BLM: variants seen among roughly 807,000 people sequenced by gnomAD.
BLM encodes the protein BLM RecQ like helicase.
BLM carries 95 observed loss-of-function variants against 135.3 expected under a neutral mutation model. The observed-to-expected ratio is 0.70, with a 90% CI of 0.59 to 0.83. The LOEUF (loss-of-function observed/expected upper bound fraction) is 0.83, where lower values mean the gene tolerates loss of function less well. Ranked by LOEUF, BLM falls within the 40% of genes least tolerant of loss-of-function variation. The probability of loss-of-function intolerance (pLI) is 0.00; values close to 1 mark genes in which losing one functional copy is unlikely to be tolerated. For synonymous variants in BLM, 520 were observed against 589.2 expected (o/e 0.88, Z 1.70); for missense variants, 1,518 against 1,663.9 (o/e 0.91, Z 1.53).
chr15:90,790,946 ATCGT>A, intron 15 of BLM, 102 bp downstream of exon 15: 1 of 1,225,790 alleles, frequency 8.2e-7, no homozygotes, highest in Middle Eastern at 2.7e-4. Flanking sequence ...TCCTTAAATA[ATCGT>A]AGAAAAATAG....
intron 1 of BLM, among the ~76,000 whole-genome samples, 196 bp downstream of exon 1, chr15:90,717,636 A>AG (rs1412763390): frequency 1.3e-5 from 2 of 152,216 alleles, no homozygotes; most frequent in Non-Finnish European, 2.9e-5. Flanking sequence ...GGGGAAACAG[A>AG]GGCCCGGGGC....
chr15:90,727,574 GGTGCCTAA>G (rs1474531833), intron 1 of BLM, among the ~76,000 whole-genome samples: 1 of 152,040 alleles, frequency 6.6e-6, no homozygotes, highest in Non-Finnish European at 1.5e-5. Flanking sequence ...GTGGGAGGAA[GGTGCCTAA>G]GTGACCAGCC....
rs587783037 is a variant in BLM, at chr15:90,803,577, C to T, written c.3415C>T (p.Arg1139Ter). 43 of 1,613,864 alleles carry T rather than the reference C, an allele frequency of 2.7e-5. No individual in the cohort carries two copies. Among genetic ancestry groups the T allele is most frequent in the Non-Finnish European group, 3.6e-5 (42 of 1,179,814 alleles). The change falls in exon 18 of 22, where the codon CGA becomes TGA. Residue 1139 changes from arginine (R) to a stop codon, truncating the protein, a stop_gained. Coordinates refer to ENST00000355112, the MANE Select transcript of BLM (RefSeq NM_000057.4). LOFTEE classifies it high-confidence loss of function. ...ATTTGGAAAAGGATCTGCTTATTCACGACACAATGCCGAAAGACTTTTTAA... is the reference window on the plus strand; with the variant it reads ...ATTTGGAAAAGGATCTGCTTATTCATGACACAATGCCGAAAGACTTTTTAA... ...GIFGKGSAYS[R>*]HNAERLFKKL...
At chr15:90,806,473 T>A (rs917308606) in intron 19 of BLM, among the ~76,000 whole-genome samples, 1 of 146,606 alleles carries the variant, frequency 6.8e-6, no homozygotes, top group East Asian at 2.0e-4. Flanking sequence ...ATCGTGCCAC[T>A]GCCCTCCAGC....
chr15:90,796,874 C>T (rs1312111007), intron 16 of BLM, among the ~76,000 whole-genome samples: 1 of 152,116 alleles, frequency 6.6e-6, no homozygotes, highest in Non-Finnish European at 1.5e-5. Context: ...GTTAGGAGGA[C>T]ATCTGAGGTT....
intron 12 of BLM, among the ~76,000 whole-genome samples, chr15:90,778,499 T>C (rs1469539020): frequency 6.6e-6 from 1 of 152,234 alleles, no homozygotes; most frequent in Non-Finnish European, 1.5e-5. Flanking sequence ...AAAACACCCA[T>C]GCCCATTGCA....
chr15:90,724,782 C>T (rs1369841129), intron 1 of BLM, among the ~76,000 whole-genome samples: 2 of 152,218 alleles, frequency 1.3e-5, no homozygotes, highest in African/African-American at 4.8e-5. Flanking sequence ...TTCTCACCAA[C>T]CTAGAAGCTC....
chr15:90,725,147 G>T (rs926007507), intron 1 of BLM, among the ~76,000 whole-genome samples: 1 of 152,112 alleles, frequency 6.6e-6, no homozygotes, highest in Non-Finnish European at 1.5e-5. Context: ...GACCTCAGGT[G>T]ATCTGCCCGT....
chr15:90,807,082 T>C (rs531910436), intron 19 of BLM, among the ~76,000 whole-genome samples: 1 of 152,216 alleles, frequency 6.6e-6, no homozygotes, highest in East Asian at 1.9e-4. Flanking sequence ...GAGTCGTCCA[T>C]GTCTTTGTTT....
rs28385083 is a variant in BLM, at chr15:90,792,478, A to G, written c.3019+1634A>G. Among the ~76,000 whole-genome samples, 722 of 152,210 alleles carry G rather than the reference A, an allele frequency of 4.7e-3. 12 individuals carry two copies. Among genetic ancestry groups the G allele is most frequent in the East Asian group, 0.03 (155 of 5,186 alleles). ...TGGCACTTACCAAGCACTGTGCCCA[A>G]CACTGCATATATCACCTCATTACCT... On this transcript the variant is annotated intron_variant, in intron 15 of 21. Coordinates refer to ENST00000355112, the MANE Select transcript of BLM (RefSeq NM_000057.4).
intron 14 of BLM, among the ~76,000 whole-genome samples, chr15:90,786,928 A>G (rs1884873017): frequency 7.1e-6 from 1 of 140,802 alleles, no homozygotes. Context: ...TGTGGTTTTG[A>G]TTTGCATTTC....
At position 90,756,286 on chromosome 15, in the gene BLM, A is replaced by G. The variant is rs530786859; in HGVS notation, c.1087+1348A>G. Among the ~76,000 whole-genome samples the G allele has an allele frequency of 9.2e-5, 14 of 152,042 alleles. No individual in the cohort carries two copies. The South Asian group carries it at 2.5e-3, about 27-fold the overall frequency. On this transcript the variant is annotated intron_variant, in intron 5 of 21. Coordinates refer to ENST00000355112, the MANE Select transcript of BLM (RefSeq NM_000057.4). ...ATCTGGCTAATTTTTTGTATTTCTAATAGAGACAGGGTTTCACCATTTTAG... is the reference window on the plus strand; with the variant it reads ...ATCTGGCTAATTTTTTGTATTTCTAGTAGAGACAGGGTTTCACCATTTTAG...
intron 12 of BLM, among the ~76,000 whole-genome samples, chr15:90,782,464 G>A (rs1896640275): frequency 6.6e-6 from 1 of 152,136 alleles, no homozygotes; most frequent in Admixed American, 6.5e-5. Context: ...CTGTAGACTG[G>A]GTGGCTTAAA....
At position 90,758,476 on chromosome 15, in the gene BLM, G is replaced by A. The variant is rs8036465; in HGVS notation, c.1088-1671G>A. On this transcript the variant is annotated intron_variant, in intron 5 of 21. Coordinates refer to ENST00000355112, the MANE Select transcript of BLM (RefSeq NM_000057.4). ...CACTCCAGCCTGGAAGACAGAGCAAGAATCTGTCTCAAAAAATAAAATAAA... is the reference window on the plus strand; with the variant it reads ...CACTCCAGCCTGGAAGACAGAGCAAAAATCTGTCTCAAAAAATAAAATAAA... Among the ~76,000 whole-genome samples, 1,393 of 152,264 alleles carry A rather than the reference G, an allele frequency of 9.1e-3. 26 individuals are homozygous for A. Among genetic ancestry groups the A allele is most frequent in the African/African-American group, 0.032 (1,334 of 41,554 alleles).
At chr15:90,752,737 G>T (rs1283321913) in intron 4 of BLM, among the ~76,000 whole-genome samples, 2 of 152,160 alleles carry the variant, frequency 1.3e-5, no homozygotes, top group Non-Finnish European at 2.9e-5. Context: ...AGCTTAAATT[G>T]CTAAGTGTCA....
chr15:90,784,110 A>G (rs1042940742), intron 13 of BLM, among the ~76,000 whole-genome samples: 2 of 152,080 alleles, frequency 1.3e-5, no homozygotes, highest in Non-Finnish European at 2.9e-5. Flanking sequence ...TTTGATAGTT[A>G]TAGTATATTT....
chr15:90,794,110 G>A (rs1596259738), intron 15 of BLM, 57 bp from the exon 16 acceptor site: 1 of 1,267,678 alleles, frequency 7.9e-7, no homozygotes, highest in Non-Finnish European at 1.1e-6. Flanking sequence ...ATATTTCTAT[G>A]ATATGCTCTA....
At chr15:90,796,552 T>C (rs28385116) in intron 16 of BLM, among the ~76,000 whole-genome samples, 25,754 of 152,170 alleles carry the variant, frequency 0.17, 2,866 homozygotes, top group African/African-American at 0.32. Flanking sequence ...AATAAAACTT[T>C]ATGCACAAAA....
intron 18 of BLM, among the ~76,000 whole-genome samples, 195 bp downstream of exon 18, chr15:90,803,915 GTAATT>G (rs1897225630): frequency 6.6e-6 from 1 of 151,998 alleles, no homozygotes. Flanking sequence ...CCTGTCAAAA[GTAATT>G]TAATGGGTTA....
Sources: allele counts gnomAD v4.1 joint callset (sites outside exome capture counted in the v4.1 genomes callset), GRCh38; gene constraint gnomAD v4.1.1; transcripts MANE v1.5; gene names NCBI Gene and HGNC (gene_info 2026-07-23, HGNC 2026-07-21).